Variants in COG6 observed in about 807,000 individuals in gnomAD.
The protein encoded by COG6 is conserved oligomeric Golgi complex subunit 6.
COG6 carries 74 observed loss-of-function variants against 88.8 expected under a neutral mutation model. That is an observed-to-expected ratio of 0.83 (90% CI 0.69 to 1.01). The LOEUF is 1.01. Ranked by LOEUF, COG6 falls within the 50% of genes least tolerant of loss-of-function variation. The pLI is 0.00. For missense variants in COG6, 800 were observed against 797.9 expected, an observed-to-expected ratio of 1.00 and a Z score of -0.03; for synonymous variants, 286 against 278.7, an observed-to-expected ratio of 1.03 and a Z score of -0.26.
At chr13:39,735,983 C>A (rs1179567088) in intron 18 of COG6, among the ~76,000 whole-genome samples, 8 of 151,876 alleles carry the variant, frequency 5.3e-5, no homozygotes, top group African/African-American at 1.7e-4. Flanking sequence ...CTTGAGGTAG[C>A]CTTATTTGGA....
At chr13:39,772,212 G>T (rs1269668376) in intron 18 of COG6, among the ~76,000 whole-genome samples, 2 of 152,138 alleles carry the variant, frequency 1.3e-5, no homozygotes, top group African/African-American at 4.8e-5. Flanking sequence ...CTCCAGTTTT[G>T]CTTAACCTCT....
chr13:39,662,246 C>T (rs1874947368), intron 3 of COG6, among the ~76,000 whole-genome samples: 1 of 150,370 alleles, frequency 6.7e-6, no homozygotes, highest in Non-Finnish European at 1.5e-5. Context: ...TCTGCCTCAG[C>T]CTCCCAAGTA....
chr13:39,779,189 G>T (rs7336817), intron 18 of COG6, among the ~76,000 whole-genome samples: 2,824 of 152,240 alleles, frequency 0.019, 83 homozygotes, highest in African/African-American at 0.064. Flanking sequence ...GAGTTGTAAG[G>T]ATAAAATAAA....
intron 8 of COG6, among the ~76,000 whole-genome samples, chr13:39,686,211 A>T (rs955260645): frequency 2.6e-5 from 4 of 152,210 alleles, no homozygotes; most frequent in Non-Finnish European, 5.9e-5. Context: ...ATGGTAGAAT[A>T]CTGTTTAGAG....
chr13:39,766,944 C>T lies in COG6; in HGVS notation c.1827-21391C>T, dbSNP rs535110443. ...TCTGCATTTAAAGGCAGGTGCTTAC[C>T]AGGAGAGATGAGTCACGTAAGCTGG... On this transcript the variant is annotated intron_variant, in intron 18 of 18. Transcript: ENST00000416691. Among the ~76,000 whole-genome samples, 3 of 152,282 alleles carry T rather than the reference C, an allele frequency of 2.0e-5. No individual in the cohort carries two copies. In the South Asian group the frequency reaches 6.2e-4, roughly 32 times the overall value.
intron 18 of COG6, chr13:39,785,307 G>T (rs910244336): frequency 6.6e-6 from 1 of 152,336 alleles, no homozygotes; most frequent in Admixed American, 6.5e-5. Flanking sequence ...AGGTAGTAAG[G>T]CAGGGATTAA....
Position 39,699,510 on chromosome 13 carries a change from T to C in COG6, c.1176T>C (p.Val392=), listed in dbSNP as rs747824484. ...TATTCTTTGCTTTTAGTGGTATTGTTGGAAATAGTGCAACTGCATTATTGA... is the reference window on the plus strand; with the variant it reads ...TATTCTTTGCTTTTAGTGGTATTGTCGGAAATAGTGCAACTGCATTATTGA... ...KFYHHTISGI[V]GNSATALLTT... The change falls in exon 13 of 19, where the codon GTT becomes GTC. Residue 392 remains valine, a synonymous_variant. Transcript: ENST00000455146. The C allele has an allele frequency of 6.5e-7, 1 of 1,546,122 alleles. No individual in the cohort carries two copies. Among genetic ancestry groups the C allele is most frequent in the South Asian group, 1.1e-5 (1 of 89,570 alleles).
chr13:39,725,140 C>G (rs1328385067), intron 17 of COG6, among the ~76,000 whole-genome samples: 3 of 151,746 alleles, frequency 2.0e-5, no homozygotes, highest in Non-Finnish European at 3.0e-5. Flanking sequence ...CATAGCCATT[C>G]ATTGTATGAT....
chr13:39,666,784 A>G (rs1053426585), intron 4 of COG6, among the ~76,000 whole-genome samples: 1 of 152,238 alleles, frequency 6.6e-6, no homozygotes, highest in African/African-American at 2.4e-5. Context: ...AATGTAACTT[A>G]CTTTTCTGTC....
In COG6 at chr13:39,738,009, G is replaced by A. The variant is rs374649998; in HGVS notation, c.1826+10461G>A. Among the ~76,000 whole-genome samples, 18 of 152,184 alleles carry A rather than the reference G, an allele frequency of 1.2e-4. No homozygotes were observed. In the East Asian group the frequency reaches 1.5e-3, roughly 13 times the overall value. ...CCACAAGCACATAAATTCTCTCTCC[G>A]CGCCATGCTGCCAGTGCCAGGGATT... On this transcript the variant is annotated intron_variant, in intron 18 of 18. Transcript: ENST00000455146.
chr13:39,778,593 C>G (rs1881539394), intron 18 of COG6, among the ~76,000 whole-genome samples: 1 of 152,236 alleles, frequency 6.6e-6, no homozygotes, highest in Non-Finnish European at 1.5e-5. Context: ...CACTTAGAAG[C>G]TGTATTAGTT....
chr13:39,730,246 A>G (rs1488841481), intron 18 of COG6, among the ~76,000 whole-genome samples: 2 of 152,144 alleles, frequency 1.3e-5, no homozygotes, highest in Admixed American at 1.3e-4. Context: ...CATATTATTT[A>G]TATAAGTATT....
At chr13:39,671,753 A>G (rs1307883004) in intron 4 of COG6, among the ~76,000 whole-genome samples, 1 of 151,984 alleles carries the variant, frequency 6.6e-6, no homozygotes, top group Non-Finnish European at 1.5e-5. Context: ...AAAATACTTC[A>G]GCTTATAGGA....
At chr13:39,772,495 T>C (rs1284343619) in intron 18 of COG6, among the ~76,000 whole-genome samples, 1 of 152,230 alleles carries the variant, frequency 6.6e-6, no homozygotes, top group Non-Finnish European at 1.5e-5. Context: ...GGGCTGGATC[T>C]TTCTCATCTT....
chr13:39,706,619 A>C (rs979080873), intron 13 of COG6, among the ~76,000 whole-genome samples: 1 of 151,294 alleles, frequency 6.6e-6, no homozygotes, highest in Non-Finnish European at 1.5e-5. Context: ...ATTTAAAAAA[A>C]GAGAGGTTCT....
chr13:39,782,092 C>T (rs1881646756), intron 18 of COG6, among the ~76,000 whole-genome samples: 1 of 152,100 alleles, frequency 6.6e-6, no homozygotes, highest in South Asian at 2.1e-4. Flanking sequence ...GAACAAGCAA[C>T]CACACATATT....
chr13:39,727,043 A>G (rs1050506775), intron 17 of COG6, among the ~76,000 whole-genome samples: 1 of 151,816 alleles, frequency 6.6e-6, no homozygotes, highest in Non-Finnish European at 1.5e-5. Flanking sequence ...TTTTTTGCTC[A>G]TTTTTATACT....
intron 12 of COG6, among the ~76,000 whole-genome samples, chr13:39,695,798 G>C (rs151184729): frequency 2.8e-4 from 42 of 151,970 alleles, no homozygotes; most frequent in African/African-American, 9.4e-4. Flanking sequence ...ATATAAACTT[G>C]TTGTCATCAT....
At chr13:39,756,064 A>G (rs1410721888), downstream of COG6, among the ~76,000 whole-genome samples, 1 of 152,222 alleles carries the variant, frequency 6.6e-6, no homozygotes, top group Non-Finnish European at 1.5e-5. Context: ...ATGTTCAAGG[A>G]TTTAAGGAAA....
Sources: gnomAD v4.1 joint callset for allele counts (sites outside exome capture counted in the v4.1 genomes callset) on GRCh38, gnomAD v4.1.1 for gene constraint, MANE v1.5 for transcripts, NCBI Gene and HGNC (gene_info 2026-07-23, HGNC 2026-07-21) for gene names.